The following NEK1 variants were observed in gnomAD, a reference collection of about 807,000 sequenced individuals.
NEK1 encodes the protein serine/threonine-protein kinase Nek1.
A neutral mutation model predicts 182.1 loss-of-function variants in NEK1; 137 were observed. The observed-to-expected ratio is 0.75, with a 90% CI of 0.65 to 0.87. NEK1 has a LOEUF of 0.87. NEK1 is among the 40% of genes least tolerant of loss of function. The probability of loss-of-function intolerance (pLI) is 0.00; values close to 1 mark genes in which losing one functional copy is unlikely to be tolerated. For synonymous variants in NEK1, 513 were observed against 492.2 expected, an observed-to-expected ratio of 1.04 and a Z score of -0.56; for missense variants, 1,391 against 1,494.4, an observed-to-expected ratio of 0.93 and a Z score of 1.14.
intron 28 of NEK1, among the ~76,000 whole-genome samples, chr4:169,437,043 G>A (rs2149421950): frequency 6.6e-6 from 1 of 152,322 alleles, no homozygotes; most frequent in East Asian, 1.9e-4. Flanking sequence ...AAAGAGAAGA[G>A]CCCTTGAGCA....
intron 2 of NEK1, among the ~76,000 whole-genome samples, chr4:169,603,619 G>A (rs896209319): frequency 2.6e-5 from 4 of 151,730 alleles, no homozygotes; most frequent in African/African-American, 9.7e-5. Context: ...TACTCCATAC[G>A]TCTAATGGGG....
At chr4:169,491,162 A>AAAAAAAGAG (rs1554047307) in intron 23 of NEK1, among the ~76,000 whole-genome samples, 17 of 122,922 alleles carry the variant, frequency 1.4e-4, no homozygotes, top group Non-Finnish European at 1.9e-4. Flanking sequence ...AAAAAAAAAA[A>AAAAAAAGAG]AGAGAGATGG....
intron 19 of NEK1, among the ~76,000 whole-genome samples, chr4:169,514,940 G>C (rs1396335830): frequency 1.3e-5 from 2 of 151,848 alleles, no homozygotes; most frequent in Non-Finnish European, 2.9e-5. Context: ...ACAGTGATTT[G>C]AGACATTTCT....
intron 23 of NEK1, among the ~76,000 whole-genome samples, chr4:169,489,537 C>G (rs1246908631): frequency 6.6e-6 from 1 of 152,130 alleles, no homozygotes. Flanking sequence ...CTATTCCCTT[C>G]CCCAATGCCT....
chr4:169,543,830 T>C (rs1037179728), intron 18 of NEK1, among the ~76,000 whole-genome samples: 3 of 152,222 alleles, frequency 2.0e-5, no homozygotes, highest in Admixed American at 6.5e-5. Context: ...GCACATTGAT[T>C]TTGTATGCTG....
chr4:169,443,246 G>T (rs1325951754), intron 27 of NEK1, among the ~76,000 whole-genome samples: 1 of 151,908 alleles, frequency 6.6e-6, no homozygotes, highest in Non-Finnish European at 1.5e-5. Context: ...AACCCAGGAG[G>T]TCAAGGCTGC....
intron 26 of NEK1, among the ~76,000 whole-genome samples, chr4:169,473,378 T>C (rs1014312669): frequency 6.6e-6 from 1 of 151,244 alleles, no homozygotes; most frequent in African/African-American, 2.4e-5. Context: ...GGGGTGAGGG[T>C]TGAAAAATTA....
intron 23 of NEK1, among the ~76,000 whole-genome samples, chr4:169,503,598 T>A (rs1256724799): frequency 6.6e-6 from 1 of 152,128 alleles, no homozygotes; most frequent in Non-Finnish European, 1.5e-5. Context: ...TTGACAAATG[T>A]TCCAGGAATC....
intron 35 of NEK1, among the ~76,000 whole-genome samples, chr4:169,398,712 C>T (rs1359276974): frequency 6.6e-6 from 1 of 152,054 alleles, no homozygotes; most frequent in African/African-American, 2.4e-5. Flanking sequence ...TTAATTTTCT[C>T]TCTTACTATA....
At chr4:169,488,005 C>T (rs528257002) in intron 23 of NEK1, among the ~76,000 whole-genome samples, 6 of 151,742 alleles carry the variant, frequency 4.0e-5, no homozygotes, top group South Asian at 2.1e-4. Flanking sequence ...TTTTTTAATG[C>T]GTAAAAATGG....
chr4:169,588,586 A>G (rs1767906681), intron 8 of NEK1, 63 bp downstream of exon 8: 4 of 931,422 alleles, frequency 4.3e-6, no homozygotes, highest in Non-Finnish European at 6.7e-6. Context: ...CCAAAGGTTA[A>G]TAAACATGAC....
intron 23 of NEK1, among the ~76,000 whole-genome samples, chr4:169,488,742 C>A (rs1749507376): frequency 2.0e-5 from 3 of 152,116 alleles, no homozygotes; most frequent in Admixed American, 2.0e-4. Flanking sequence ...TCCATGTTAA[C>A]CACTCCTGAG....
intron 18 of NEK1, among the ~76,000 whole-genome samples, chr4:169,542,030 T>C (rs17055006): frequency 0.071 from 10,859 of 152,172 alleles, 1,272 homozygotes; most frequent in African/African-American, 0.25. Context: ...CCAGACTCTT[T>C]TTGTTTTATT....
In NEK1 at chr4:169,587,532, G is replaced by A. The variant is rs576317022; in HGVS notation, c.606+27C>T. The stretch of plus-strand genomic sequence containing the variant: ...TATAGTCGCTTTTTAACATAACTTT[G>A]AAAGTATTTCAGAAACTTCTACTTA... On this transcript the variant is annotated intron_variant, in intron 9 of 35. Transcript: ENST00000507142. The A allele has an allele frequency of 4.5e-5, 58 of 1,278,118 alleles. No individual in the cohort carries two copies. In the African/African-American group the frequency reaches 8.3e-4, roughly 18 times the overall value. 79.2% of individuals were successfully genotyped at this position (1,278,118 alleles called of 1,614,324 possible).
intron 27 of NEK1, among the ~76,000 whole-genome samples, chr4:169,461,203 T>C (rs999603780): frequency 1.3e-5 from 2 of 152,146 alleles, no homozygotes; most frequent in African/African-American, 2.4e-5. Flanking sequence ...TACCTCCACA[T>C]ACACATGAGC....
Position 169,406,672 on chromosome 4 carries a change from C to A in NEK1, c.3298G>T (p.Val1100Phe), listed in dbSNP as rs775315368. ...TLMDVPTVGD[V>F]RQDNLEIDEI... ...TCTATTTCAAGATTGTCTTGACGAA[C>A]ATCTCCTACGGTGGGAACATCCATA... Residue 1100 changes from valine (V) to phenylalanine (F), a missense_variant, in exon 32 of 36, where the codon GTT becomes TTT. Around this residue, in one of 5 missense-constraint regions of NEK1, gnomAD observed 1,216 missense variants for 1,277.6 expected, o/e 0.95. Coordinates refer to ENST00000507142, the MANE Select transcript of NEK1 (RefSeq NM_001199397.3). 6.2e-7 allele frequency: 1 copy of A among 1,609,650 alleles called. No individual in the cohort carries two copies. The highest frequency in any genetic ancestry group is 1.3e-5 in the African/African-American group (1 of 74,862).
chr4:169,582,307 C>T (rs945325487), intron 10 of NEK1, among the ~76,000 whole-genome samples: 1 of 152,120 alleles, frequency 6.6e-6, no homozygotes, highest in Non-Finnish European at 1.5e-5. Context: ...CTCAAAGTCT[C>T]ATACCAGCAG....
At chr4:169,493,349 A>C (rs1244611237) in intron 23 of NEK1, among the ~76,000 whole-genome samples, 2 of 152,236 alleles carry the variant, frequency 1.3e-5, no homozygotes, top group Non-Finnish European at 2.9e-5. Flanking sequence ...TCAGATGAGA[A>C]GGAATCAGTG....
At chr4:169,480,751 T>C (rs1333232067) in intron 23 of NEK1, among the ~76,000 whole-genome samples, 1 of 152,196 alleles carries the variant, frequency 6.6e-6, no homozygotes, top group Admixed American at 6.5e-5. Context: ...TAAAATTCTT[T>C]ATTATTTAAA....
Sources: allele counts gnomAD v4.1 joint callset (sites outside exome capture counted in the v4.1 genomes callset), GRCh38; gene constraint gnomAD v4.1.1; regional missense constraint gnomAD v4.1.1; transcripts MANE v1.5; gene names NCBI Gene and HGNC (gene_info 2026-07-23, HGNC 2026-07-21).